Variants in PEX11G observed in about 807,000 individuals in gnomAD.
PEX11G encodes peroxisomal biogenesis factor 11 gamma.
Under a neutral mutation model 22.5 loss-of-function variants are expected in PEX11G, and 20 were observed. The ratio of observed to expected loss-of-function variants is 0.89; its 90% CI spans 0.62 to 1.29. The LOEUF (loss-of-function observed/expected upper bound fraction) is 1.29. Ranked by LOEUF, PEX11G falls within the 50% of genes most tolerant of loss-of-function variation. The pLI is 0.00. For synonymous variants in PEX11G, 141 were observed against 154.5 expected, an observed-to-expected ratio of 0.91 and a Z score of 0.65; for missense variants, 347 against 331.3, an observed-to-expected ratio of 1.05 and a Z score of -0.37.
chr19:7,478,469 T>C, intron 3 of PEX11G, 93 bp from the exon 4 acceptor site: 1 of 1,349,080 alleles, frequency 7.4e-7, no homozygotes, highest in Non-Finnish European at 1.0e-6. Flanking sequence ...CTGGGACAGG[T>C]GCTGCATCTC....
chr19:7,491,878 G>A (rs780954263), upstream of PEX11G, among the ~76,000 whole-genome samples: 3 of 151,748 alleles, frequency 2.0e-5, no homozygotes, highest in Non-Finnish European at 2.9e-5. Flanking sequence ...GGCTGGTTTC[G>A]ACCTCCTGGA....
intron 2 of PEX11G, among the ~76,000 whole-genome samples, chr19:7,483,673 T>C (rs1977611337): frequency 6.6e-6 from 1 of 151,988 alleles, no homozygotes; most frequent in Non-Finnish European, 1.5e-5. Context: ...ACTTATGATA[T>C]AGGATGATCA....
In PEX11G at chr19:7,482,189, C is replaced by T; in HGVS notation, c.272G>A (p.Cys91Tyr). The change falls in exon 3 of 5, where the codon TGT becomes TAT. Residue 91 changes from cysteine (C) to tyrosine (Y), a missense_variant. Transcript: ENST00000221480. Reference protein sequence around the residue: ...GAQEEDAFVRCVSVLGNLADQ... With the variant: ...GAQEEDAFVRYVSVLGNLADQ... The stretch of plus-strand genomic sequence containing the variant: ...AGCCAGGTTCCCTAGGACGGAGACA[C>T]AGCGGACAAAGGCGTCCTCCTCCTG... 6.4e-7 allele frequency: 1 copy of T among 1,574,664 alleles called. No homozygotes were observed. The highest frequency in any genetic ancestry group is 8.6e-7 in the Non-Finnish European group (1 of 1,161,098).
chr19:7,476,892 T>G lies in PEX11G; in HGVS notation c.*310A>C. 1 of 344,276 alleles carries G rather than the reference T, an allele frequency of 2.9e-6. No individual in the cohort carries two copies. Among genetic ancestry groups the G allele is most frequent in the East Asian group, 4.5e-5 (1 of 22,314 alleles). The allele number at this position is 344,276 out of a possible 1,614,324, so 21.3% of individuals were successfully genotyped here. On this transcript the variant is annotated 3_prime_UTR_variant, in exon 5 of 5. Transcript: ENST00000221480. Reference sequence around the variant, plus strand: ...AGCCAGGCGCCAGCACCACAATGTTTAATTGATTCCCGTTCCAGCTTTCTC... The same window carrying G: ...AGCCAGGCGCCAGCACCACAATGTTGAATTGATTCCCGTTCCAGCTTTCTC...
At chr19:7,478,528 G>T in intron 3 of PEX11G, 152 bp from the exon 4 acceptor site, 2 of 786,946 alleles carry the variant, frequency 2.5e-6, no homozygotes, top group South Asian at 1.6e-5. Context: ...ACACCCTCCT[G>T]GCTGTGCCTC....
chr19:7,488,846 C>G (rs2021783871), intron 1 of PEX11G, 105 bp downstream of exon 1: 1 of 1,195,204 alleles, frequency 8.4e-7, no homozygotes. Flanking sequence ...GGGGCCTCTG[C>G]GACGGAGTAT....
chr19:7,479,550 G>T lies in PEX11G; in HGVS notation c.429-1174C>A, dbSNP rs558427892. ...TCCATTTAGCAACCTCCTGGCTGAT[G>T]CTCCGGCAGCCCTGGGCCTTAGGGC... On this transcript the variant is annotated intron_variant, in intron 3 of 4. Transcript: ENST00000221480. 3.3e-5 allele frequency among the ~76,000 whole-genome samples: 5 copies of T among 152,358 alleles called. No individual in the cohort carries two copies. In the East Asian group the frequency reaches 7.7e-4, roughly 24 times the overall value.
upstream of PEX11G, among the ~76,000 whole-genome samples, chr19:7,490,797 GACCAACT>G (rs1276580408): frequency 2.0e-5 from 3 of 151,172 alleles, no homozygotes; most frequent in African/African-American, 7.3e-5. Flanking sequence ...ATGGTAGCTT[GACCAACT>G]ACCCACAAAA....
In PEX11G at chr19:7,477,342, C is replaced by G. The variant is rs144230456; in HGVS notation, c.586G>C (p.Val196Leu). 2 of 1,557,966 alleles carry G rather than the reference C, an allele frequency of 1.3e-6. No individual in the cohort carries two copies. The highest frequency in any genetic ancestry group is 2.4e-5 in the South Asian group (2 of 84,464). The change falls in exon 5 of 5, where the codon GTG (valine) becomes CTG (leucine). Residue 196 changes from valine to leucine, a missense_variant. Physicochemically the swap from Val to Leu is conservative, Grantham distance 32. Transcript: ENST00000221480. ...LSNLADLANA[V>L]HWLPRGVLWA... ...AGCACGCCCCGGGGCAGCCAGTGCACGGCGTTGGCCAGGTCGGCCAGGTTG... is the reference window on the plus strand; with the variant it reads ...AGCACGCCCCGGGGCAGCCAGTGCAGGGCGTTGGCCAGGTCGGCCAGGTTG...
At chr19:7,492,224 T>G (rs1018318751), upstream of PEX11G, among the ~76,000 whole-genome samples, 1 of 152,208 alleles carries the variant, frequency 6.6e-6, no homozygotes, top group South Asian at 2.1e-4. Context: ...TGTAACTCTA[T>G]GTTGAACTTT....
chr19:7,485,416 C>T (rs1424683547), intron 2 of PEX11G, among the ~76,000 whole-genome samples: 9 of 151,654 alleles, frequency 5.9e-5, no homozygotes, highest in Admixed American at 3.9e-4. Flanking sequence ...AGTGCAGTGG[C>T]GCGATCTCGG....
chr19:7,489,808 G>T (rs758318326), upstream of PEX11G, among the ~76,000 whole-genome samples: 1 of 151,860 alleles, frequency 6.6e-6, no homozygotes, highest in Non-Finnish European at 1.5e-5. Flanking sequence ...GAAGGACAAA[G>T]GTTGATCACC....
chr19:7,483,096 GC>G (rs886345286), intron 2 of PEX11G, among the ~76,000 whole-genome samples: 2 of 19,794 alleles, frequency 1.0e-4, no homozygotes, highest in Non-Finnish European at 1.9e-4. Flanking sequence ...TTGGGACCCC[GC>G]CCACCGTGAC....
rs186453453 is a variant in PEX11G, at chr19:7,481,239, C to T, written c.428+794G>A. Among the ~76,000 whole-genome samples the T allele has an allele frequency of 3.3e-5, 5 of 152,260 alleles. No homozygotes were observed. The East Asian group carries it at 5.8e-4, about 18-fold the overall frequency. On this transcript the variant is annotated intron_variant, in intron 3 of 4. Coordinates refer to ENST00000221480, the MANE Select transcript of PEX11G (RefSeq NM_080662.4). ...TTTTTGACACGGAATCTTGCTCTGT[C>T]GCCAGGCTGGAGTGCAGGGGTGTGA...
chr19:7,477,053 G>GA lies in PEX11G; in HGVS notation c.*148dup. 1 of 642,166 alleles carries GA rather than the reference G, an allele frequency of 1.6e-6. No homozygotes were observed. The highest frequency in any genetic ancestry group is 2.3e-6 in the Non-Finnish European group (1 of 428,422). The allele number at this position is 642,166 out of a possible 1,614,324, so 39.8% of individuals were successfully genotyped here. Reference sequence around the variant, plus strand: ...AGGAGCTCCAGGCTGAGGCCTGGGGGACCTCGCATCAGTCCCTCCACCCAC... The same window carrying GA: ...AGGAGCTCCAGGCTGAGGCCTGGGGGAACCTCGCATCAGTCCCTCCACCCAC... On this transcript the variant is annotated 3_prime_UTR_variant, in exon 5 of 5. Coordinates refer to ENST00000221480, the MANE Select transcript of PEX11G (RefSeq NM_080662.4).
At chr19:7,489,171 C>T, upstream of PEX11G, 1 of 768,688 alleles carries the variant, frequency 1.3e-6, no homozygotes, top group Non-Finnish European at 1.6e-6. Flanking sequence ...ACAGAGTTTG[C>T]AGAGGTGGGG....
At chr19:7,485,449 G>A (rs537133135) in intron 2 of PEX11G, among the ~76,000 whole-genome samples, 6 of 152,018 alleles carry the variant, frequency 3.9e-5, no homozygotes, top group South Asian at 2.1e-4. Flanking sequence ...TCCACCTCCC[G>A]GGTTCAGGCC....
rs1055897509 is a variant in PEX11G at position 7,476,924 on chromosome 19, C to T, written c.*278G>A. 4.8e-5 allele frequency: 19 copies of T among 394,934 alleles called. No individual in the cohort carries two copies. Among genetic ancestry groups the T allele is most frequent in the Non-Finnish European group, 2.2e-5 (5 of 222,884 alleles). The allele number at this position is 394,934 out of a possible 1,614,324, so 24.5% of individuals were successfully genotyped here. The stretch of plus-strand genomic sequence containing the variant: ...TTCCCGTTCCAGCTTTCTCAAGGCA[C>T]GACAGGCCCCCTCTTCCTCATCTTG... On this transcript the variant is annotated 3_prime_UTR_variant, in exon 5 of 5. Transcript: ENST00000221480.
chr19:7,489,837 T>C (rs932124857), upstream of PEX11G, among the ~76,000 whole-genome samples: 2 of 151,640 alleles, frequency 1.3e-5, no homozygotes, highest in Non-Finnish European at 2.9e-5. Context: ...CTTTAGACTC[T>C]TGTCTGGAGA....
Sources: allele counts gnomAD v4.1 joint callset (sites outside exome capture counted in the v4.1 genomes callset), GRCh38; gene constraint gnomAD v4.1.1; transcripts MANE v1.5; gene names NCBI Gene and HGNC (gene_info 2026-07-23, HGNC 2026-07-21).